Variants in IFT70A observed in about 807,000 individuals in gnomAD.
The protein encoded by IFT70A is intraflagellar transport 70A, also known as intraflagellar transport protein 70A.
At chr2:177,615,472 T>C in the IFT70A span, 1 of 152,170 alleles carries the variant, frequency 6.6e-6, no homozygotes, top group Non-Finnish European at 1.5e-5. Flanking sequence ...GACCACCCTA[T>C]ATATATTCAT....
the IFT70A span, chr2:177,616,597 A>G: frequency 5.3e-3 from 5,711 of 1,071,172 alleles, 31 homozygotes; most frequent in East Asian, 0.017. Flanking sequence ...TACAAAGTGG[A>G]TAAGATTCAA....
At chr2:177,614,071 T>C in the IFT70A span, 3 of 152,164 alleles carry the variant, frequency 2.0e-5, no homozygotes, top group African/African-American at 7.2e-5. Context: ...GATTTCAGTA[T>C]GTGGTGGATC....
the IFT70A span, chr2:177,615,705 G>A: frequency 1.3e-5 from 2 of 152,068 alleles, no homozygotes; most frequent in Non-Finnish European, 2.9e-5. Flanking sequence ...TTTTTTCTAT[G>A]TGGCTTATAC....
chr2:177,616,511 A>C, the IFT70A span: 2 of 427,196 alleles, frequency 4.7e-6, no homozygotes, highest in Non-Finnish European at 8.0e-6. Flanking sequence ...AGAAAGCAGA[A>C]GTGATGCAGC....
chr2:177,616,699 C>A, the IFT70A span: 1 of 1,489,300 alleles, frequency 6.7e-7, no homozygotes, highest in South Asian at 1.5e-5. Flanking sequence ...CACTATCAGT[C>A]ATAACTACTT....
the IFT70A span, chr2:177,618,690 C>T: frequency 1.3e-6 from 2 of 1,579,032 alleles, no homozygotes; most frequent in Non-Finnish European, 1.7e-6. Context: ...GCGCGCCGCT[C>T]AGACCAGCCA....
chr2:177,618,067 G>C, the IFT70A span: 3 of 1,614,228 alleles, frequency 1.9e-6, no homozygotes, highest in Non-Finnish European at 2.5e-6. Flanking sequence ...AATAATCTCA[G>C]CGATATGCTT....
chr2:177,614,444 TCACTC>T, the IFT70A span: 1 of 152,178 alleles, frequency 6.6e-6, no homozygotes, highest in Non-Finnish European at 1.5e-5. Flanking sequence ...TAAAAAAACT[TCACTC>T]TATTCTACAA....
At chr2:177,617,510 G>A in the IFT70A span, 1 of 1,614,012 alleles carries the variant, frequency 6.2e-7, no homozygotes, top group Non-Finnish European at 8.5e-7. Context: ...CTTGCTTCCT[G>A]TACTTGCTTG....
At chr2:177,617,947 T>C in the IFT70A span, 1 of 1,614,180 alleles carries the variant, frequency 6.2e-7, no homozygotes, top group Non-Finnish European at 8.5e-7. Flanking sequence ...GTTGAAGGCT[T>C]CCACCAGAGC....
the IFT70A span, chr2:177,618,685 C>G: frequency 1.3e-6 from 2 of 1,585,812 alleles, no homozygotes; most frequent in Non-Finnish European, 8.6e-7. Flanking sequence ...GATCTGCGCG[C>G]CGCTCAGACC....
At chr2:177,617,892 A>T in the IFT70A span, 14 of 1,614,144 alleles carry the variant, frequency 8.7e-6, no homozygotes, top group Non-Finnish European at 1.2e-5. Flanking sequence ...GGGTTTCTTG[A>T]GCTACCTCAT....
chr2:177,617,713 T>A, the IFT70A span: 1 of 1,614,198 alleles, frequency 6.2e-7, no homozygotes, highest in South Asian at 1.1e-5. Context: ...ATATTTACAG[T>A]AGAGCAGCAA....
chr2:177,617,531 G>A, the IFT70A span: 15 of 1,614,056 alleles, frequency 9.3e-6, no homozygotes, highest in Non-Finnish European at 1.0e-5. Context: ...GTGAGTCTCC[G>A]AAGCTGCTCA....
the IFT70A span, chr2:177,616,644 G>A: frequency 7.2e-7 from 1 of 1,384,176 alleles, no homozygotes; most frequent in Non-Finnish European, 9.7e-7. Flanking sequence ...GCTAAATACA[G>A]ATAAAAAAAA....
At chr2:177,615,724 A>G in the IFT70A span, 4 of 152,132 alleles carry the variant, frequency 2.6e-5, no homozygotes, top group Admixed American at 2.0e-4. Context: ...ACAGAATCGG[A>G]TGTTACAGCT....
the IFT70A span, chr2:177,618,715 G>A: frequency 1.3e-6 from 2 of 1,534,876 alleles, no homozygotes; most frequent in Non-Finnish European, 1.8e-6. Flanking sequence ...CACCACGGCT[G>A]TTATGCGTGC....
At chr2:177,613,536 C>T in the IFT70A span, 8 of 152,122 alleles carry the variant, frequency 5.3e-5, no homozygotes, top group South Asian at 1.2e-3. Context: ...GGGACTAAGA[C>T]GTTGAGACTC....
At chr2:177,617,293 A>T in the IFT70A span, 2 of 1,580,498 alleles carry the variant, frequency 1.3e-6, no homozygotes, top group South Asian at 2.4e-5. Context: ...GTTTTCCTGC[A>T]TGAACAGAAC....
Sources: gnomAD v4.1 joint callset for allele counts on GRCh38, gnomAD v4.1.1 for gene constraint, MANE v1.5 for transcripts, NCBI Gene and HGNC (gene_info 2026-07-23, HGNC 2026-07-21) for gene names.